AFF4: variants seen among roughly 807,000 people sequenced by gnomAD.
AFF4 encodes the protein ALF transcription elongation factor 4.
Under a neutral mutation model 124.8 loss-of-function variants are expected in AFF4, and 13 were observed. That is an observed-to-expected ratio of 0.10 (90% CI 0.07 to 0.17). The LOEUF (loss-of-function observed/expected upper bound fraction) is 0.17. Ranked by LOEUF, AFF4 falls within the 10% of genes least tolerant of loss-of-function variation. The pLI is 1.00. For synonymous variants in AFF4, 477 were observed against 496.1 expected, an observed-to-expected ratio of 0.96 and a Z score of 0.51; for missense variants, 1,092 against 1,403.8, an observed-to-expected ratio of 0.78 and a Z score of 3.55.
Position 132,934,924 on chromosome 5 carries a change from C to T in AFF4, c.141G>A (p.Lys47=), listed in dbSNP as rs1003769127. The change falls in exon 3 of 21, where the codon AAG becomes AAA. Residue 47 remains lysine, a synonymous_variant. Transcript: ENST00000265343. ...GCATACTCTGAATACGACTTGATAA[C>T]TTATCTTCTTTGCTAGTCTACAAAA... ...EPYKVTSKED[K]LSSRIQSMLG... 1 of 1,566,984 alleles carries T rather than the reference C, an allele frequency of 6.4e-7. No individual in the cohort carries two copies. The highest frequency in any genetic ancestry group is 1.2e-5 in the South Asian group (1 of 82,966).
In AFF4 at chr5:132,896,906, G is replaced by A; in HGVS notation, c.1724C>T (p.Ala575Val). The part of the protein sequence containing the change: ...KQPKKAEKAA[A>V]EEPRGGLKIE... Reference sequence around the variant, plus strand: ...CTTCAGGCCTCCACGAGGCTCTTCAGCAGCTGCCTTCTCAGCCTTTTTGGG... The same window carrying A: ...CTTCAGGCCTCCACGAGGCTCTTCAACAGCTGCCTTCTCAGCCTTTTTGGG... Residue 575 changes from alanine to valine, a missense_variant, in exon 11 of 21, where the codon GCT becomes GTT. Ala to Val is a moderately conservative substitution (Grantham distance 64, BLOSUM62 0). This residue lies in a region of AFF4 where 174 missense variants were observed against 205.9 expected (regional missense o/e 0.84). Transcript: ENST00000265343. The A allele has an allele frequency of 6.2e-7, 1 of 1,614,168 alleles. No individual in the cohort carries two copies. Among genetic ancestry groups the A allele is most frequent in the Non-Finnish European group, 8.5e-7 (1 of 1,180,036 alleles).
chr5:132,949,653 T>A (rs938179505), intron 1 of AFF4, among the ~76,000 whole-genome samples: 1 of 150,994 alleles, frequency 6.6e-6, no homozygotes, highest in Admixed American at 6.6e-5. Flanking sequence ...ATTGAGACCA[T>A]CCTGGCTAAC....
rs552996909 is a variant in AFF4, at chr5:132,891,767, C to T, written c.2637+397G>A. On this transcript the variant is annotated intron_variant, in intron 13 of 20. Transcript: ENST00000265343. ...CACTTAGTTCTTATTTTAAAAGCTT[C>T]CATAACCAACTTTTCCAATGACTGG... 14 of 252,996 alleles carry T rather than the reference C, an allele frequency of 5.5e-5. No homozygotes were observed. The South Asian group carries it at 1.8e-3, about 33-fold the overall frequency. 15.7% of individuals were successfully genotyped at this position (252,996 alleles called of 1,614,324 possible). A position where few individuals can be genotyped will look rare whatever the true frequency, so the allele number is the denominator to read the frequency against.
Position 132,892,228 on chromosome 5 carries a change from C to G in AFF4, c.2573G>C (p.Ser858Thr). ...CTTCTTCTGCTTTGATGTGGAGGAA[C>G]TGTTTTTGCTGCTGCCACTCGTCTC... ...NKETSGSSKN[S>T]SSTSKQKKTE... Residue 858 changes from serine (S) to threonine (T), a missense_variant, in exon 13 of 21, where the codon AGT becomes ACT. Ser to Thr is a moderately conservative substitution (Grantham distance 58, BLOSUM62 1). This residue lies in a region of AFF4 where 293 missense variants were observed against 280.2 expected (regional missense o/e 1.05). Transcript: ENST00000265343. 1 of 1,614,138 alleles carries G rather than the reference C, an allele frequency of 6.2e-7. No homozygotes were observed. The highest frequency in any genetic ancestry group is 1.3e-5 in the African/African-American group (1 of 75,040).
chr5:132,952,115 C>T (rs1761857932), intron 1 of AFF4, among the ~76,000 whole-genome samples: 1 of 152,154 alleles, frequency 6.6e-6, no homozygotes, highest in South Asian at 2.1e-4. Flanking sequence ...CTCTTTGTAC[C>T]AATGAGTGAG....
rs576787704 is a variant in AFF4 at position 132,950,664 on chromosome 5, T to G, written c.-5+12595A>C. 4.0e-5 allele frequency among the ~76,000 whole-genome samples: 6 copies of G among 151,548 alleles called. No homozygotes were observed. In the South Asian group the frequency reaches 1.0e-3, roughly 26 times the overall value. On this transcript the variant is annotated intron_variant, in intron 1 of 20. Transcript: ENST00000265343. ...ACTCCATGTCAAAAATAAAATAAAA[T>G]AAAAATAAAAAACAATGGAAGAAAA...
intron 1 of AFF4, chr5:132,945,013 T>A: frequency 1.1e-5 from 2 of 183,608 alleles, no homozygotes; most frequent in Non-Finnish European, 2.3e-5. Flanking sequence ...CCTGGCAATA[T>A]CATCGAGTCT....
rs185425853 is a variant in AFF4 at position 132,882,428 on chromosome 5, T to C, written c.3364+912A>G. Among the ~76,000 whole-genome samples the C allele has an allele frequency of 3.9e-5, 6 of 152,288 alleles. No homozygotes were observed. In the East Asian group the frequency reaches 7.7e-4, roughly 20 times the overall value. On this transcript the variant is annotated intron_variant, in intron 20 of 20. Transcript: ENST00000265343. ...TGCATGCACATATTTGCTAATAACA[T>C]CTACTAAATAAAATGGTGGTTATAC...
chr5:132,918,359 TCA>T (rs758463628), intron 5 of AFF4, among the ~76,000 whole-genome samples: 1 of 132,746 alleles, frequency 7.5e-6, no homozygotes, highest in South Asian at 2.4e-4. Flanking sequence ...AGACTCTGTC[TCA>T]CACACACACA....
intron 1 of AFF4, among the ~76,000 whole-genome samples, chr5:132,938,875 A>G (rs1241839618): frequency 2.1e-5 from 3 of 140,372 alleles, no homozygotes; most frequent in Admixed American, 1.5e-4. Flanking sequence ...CCCGGGAGGC[A>G]GAGATTGCAG....
chr5:132,938,117 A>T (rs891470551), intron 1 of AFF4, among the ~76,000 whole-genome samples: 13 of 151,262 alleles, frequency 8.6e-5, no homozygotes, highest in African/African-American at 1.7e-4. Flanking sequence ...TTTTTTTTTA[A>T]AAAAAAAGGC....
At chr5:132,883,775 A>AT (rs1164156985) in intron 19 of AFF4, among the ~76,000 whole-genome samples, 4 of 152,232 alleles carry the variant, frequency 2.6e-5, no homozygotes, top group African/African-American at 9.6e-5. Context: ...GTTTTAATGA[A>AT]TAACAACAAA....
rs534559229 is a variant in AFF4 at position 132,932,766 on chromosome 5, C to T, written c.919-544G>A. On this transcript the variant is annotated intron_variant, in intron 3 of 20. Transcript: ENST00000265343. Reference sequence around the variant, plus strand: ...AAAGATTACTAGTCTGGAACATGGACATTTTACATAGTCTTTCTAAGTCAC... The same window carrying T: ...AAAGATTACTAGTCTGGAACATGGATATTTTACATAGTCTTTCTAAGTCAC... Among the ~76,000 whole-genome samples, 14 of 152,290 alleles carry T rather than the reference C, an allele frequency of 9.2e-5. No homozygotes were observed. The South Asian group carries it at 1.4e-3, about 16-fold the overall frequency.
At chr5:132,929,075 A>G (rs1761244670) in intron 4 of AFF4, among the ~76,000 whole-genome samples, 1 of 152,190 alleles carries the variant, frequency 6.6e-6, no homozygotes, top group African/African-American at 2.4e-5. Context: ...ATATACATTT[A>G]GAGTGAATTT....
rs191325791 is a variant in AFF4, at chr5:132,910,179, T to C, written c.1051-5775A>G. Among the ~76,000 whole-genome samples the C allele has an allele frequency of 5.4e-3, 816 of 152,308 alleles. 4 individuals carry two copies. Among genetic ancestry groups the C allele is most frequent in the Middle Eastern group, 0.027 (8 of 294 alleles). On this transcript the variant is annotated intron_variant, in intron 5 of 20. Coordinates refer to ENST00000265343, the MANE Select transcript of AFF4 (RefSeq NM_014423.4). Reference sequence around the variant, plus strand: ...ATGAATCAATCTTTAGTAAGTTTTATTCTAAACAAAAGGAGTGACTGATGA... The same window carrying C: ...ATGAATCAATCTTTAGTAAGTTTTACTCTAAACAAAAGGAGTGACTGATGA...
chr5:132,933,136 G>A lies in AFF4; in HGVS notation c.919-914C>T, dbSNP rs184696794. On this transcript the variant is annotated intron_variant, in intron 3 of 20. Transcript: ENST00000265343. Reference sequence around the variant, plus strand: ...TTTGGGGCCAGGCGCGGTGGCTCACGCCTGTAATCCCAGCACTTTGCGAGG... The same window carrying A: ...TTTGGGGCCAGGCGCGGTGGCTCACACCTGTAATCCCAGCACTTTGCGAGG... Among the ~76,000 whole-genome samples the A allele has an allele frequency of 6.1e-3, 933 of 151,926 alleles. 7 individuals carry two copies. Among genetic ancestry groups the A allele is most frequent in the African/African-American group, 0.022 (900 of 41,394 alleles).
chr5:132,898,393 C>T lies in AFF4; in HGVS notation c.1227-1G>A. ...ATTATGGTGTGAAGGTTCAGAGTTACTAAAAGAGATGAAATATACAAATGT... is the reference window on the plus strand; with the variant it reads ...ATTATGGTGTGAAGGTTCAGAGTTATTAAAAGAGATGAAATATACAAATGT... On this transcript the variant is annotated splice_acceptor_variant, in intron 9 of 20. Transcript: ENST00000265343. LOFTEE classifies it high-confidence loss of function. 6.2e-7 allele frequency: 1 copy of T among 1,612,004 alleles called. No individual in the cohort carries two copies. Among genetic ancestry groups the T allele is most frequent in the Non-Finnish European group, 8.5e-7 (1 of 1,179,302 alleles).
intron 1 of AFF4, among the ~76,000 whole-genome samples, chr5:132,953,301 T>G (rs1761885207): frequency 6.6e-6 from 1 of 152,084 alleles, no homozygotes; most frequent in South Asian, 2.1e-4. Flanking sequence ...AGTACAGTGG[T>G]GCAATCATAG....
intron 1 of AFF4, among the ~76,000 whole-genome samples, chr5:132,938,733 G>A (rs1429664614): frequency 1.3e-5 from 2 of 151,736 alleles, no homozygotes; most frequent in African/African-American, 4.8e-5. Flanking sequence ...CACAAGGTCA[G>A]GAGATCGAGA....
Sources: gnomAD v4.1 joint callset for allele counts (sites outside exome capture counted in the v4.1 genomes callset) on GRCh38, gnomAD v4.1.1 for gene constraint, gnomAD v4.1.1 regional missense constraint, MANE v1.5 for transcripts, NCBI Gene and HGNC (gene_info 2026-07-23, HGNC 2026-07-21) for gene names.